RBFOX1: variants seen among roughly 807,000 people sequenced by gnomAD.
RBFOX1 encodes RNA binding protein fox-1 homolog 1.
A neutral mutation model predicts 57.7 loss-of-function variants in RBFOX1; 8 were observed. The ratio of observed to expected loss-of-function variants is 0.14; its 90% CI spans 0.08 to 0.25. The LOEUF (loss-of-function observed/expected upper bound fraction) is 0.25. Among genes scored for constraint, RBFOX1 ranks in the 10% least tolerant of loss-of-function variants. The pLI is 1.00. For synonymous variants in RBFOX1, 326 were observed against 222.4 expected, an observed-to-expected ratio of 1.47 and a Z score of -4.15; for missense variants, 611 against 548.5, an observed-to-expected ratio of 1.11 and a Z score of -1.14.
chr16:6,997,526 T>C (rs2092369553), intron 3 of RBFOX1, among the ~76,000 whole-genome samples: 2 of 152,198 alleles, frequency 1.3e-5, no homozygotes, highest in Admixed American at 1.3e-4. Flanking sequence ...CTGAATTGCT[T>C]TCCAATTTCC....
intron 4 of RBFOX1, among the ~76,000 whole-genome samples, chr16:7,335,122 AG>A (rs2096762196): frequency 6.6e-6 from 1 of 152,172 alleles, no homozygotes; most frequent in African/African-American, 2.4e-5. Context: ...AATATTTGCA[AG>A]GGGAGAAAGG....
intron 1 of RBFOX1, among the ~76,000 whole-genome samples, chr16:5,426,649 C>G (rs1157889963): frequency 2.6e-5 from 4 of 152,178 alleles, no homozygotes; most frequent in Non-Finnish European, 4.4e-5. Flanking sequence ...CAGCCTGTTT[C>G]CTACTAAAAT....
intron 3 of RBFOX1, among the ~76,000 whole-genome samples, chr16:7,037,981 G>GA (rs1206718131): frequency 6.6e-6 from 1 of 151,920 alleles, no homozygotes; most frequent in African/African-American, 2.4e-5. Context: ...CAATGAGAAA[G>GA]AAAAAAAATT....
intron 3 of RBFOX1, among the ~76,000 whole-genome samples, chr16:6,872,466 G>C (rs1254242829): frequency 1.3e-5 from 2 of 152,084 alleles, no homozygotes; most frequent in Non-Finnish European, 2.9e-5. Flanking sequence ...GGAAACAGCT[G>C]AATTAGCCCC....
intron 1 of RBFOX1, among the ~76,000 whole-genome samples, chr16:6,178,296 C>T (rs28407632): frequency 3.5e-4 from 52 of 148,804 alleles, no homozygotes; most frequent in Non-Finnish European, 6.2e-4. Context: ...AAGTGATTCT[C>T]CTGCCTCAGC....
At chr16:7,241,339 C>T (rs2094047637) in intron 4 of RBFOX1, among the ~76,000 whole-genome samples, 1 of 152,104 alleles carries the variant, frequency 6.6e-6, no homozygotes, top group Non-Finnish European at 1.5e-5. Flanking sequence ...AGGTCACCTC[C>T]TGGCCCGTTG....
chr16:5,343,106 C>T (rs1358547054), intron 1 of RBFOX1, among the ~76,000 whole-genome samples: 1 of 152,098 alleles, frequency 6.6e-6, no homozygotes, highest in Non-Finnish European at 1.5e-5. Context: ...GACTTTTGTT[C>T]TTTGGCCAGT....
intron 2 of RBFOX1, among the ~76,000 whole-genome samples, chr16:6,350,324 C>A (rs775981054): frequency 6.6e-6 from 1 of 151,584 alleles, no homozygotes; most frequent in Admixed American, 6.6e-5. Flanking sequence ...GCCTGTAATA[C>A]TATCTACTCG....
At chr16:7,024,734 G>A (rs2040377159) in intron 3 of RBFOX1, among the ~76,000 whole-genome samples, 1 of 152,148 alleles carries the variant, frequency 6.6e-6, no homozygotes, top group African/African-American at 2.4e-5. Context: ...TCTTGTTGCT[G>A]GACTTGATTG....
intron 1 of RBFOX1, among the ~76,000 whole-genome samples, chr16:6,291,292 C>T (rs1224692068): frequency 2.6e-5 from 4 of 152,292 alleles, no homozygotes; most frequent in African/African-American, 9.6e-5. Flanking sequence ...TTTTACTCCG[C>T]TGCTATTCAA....
At chr16:5,760,123 A>C (rs767786948) in intron 3 of RBFOX1, among the ~76,000 whole-genome samples, 1 of 152,128 alleles carries the variant, frequency 6.6e-6, no homozygotes, top group Admixed American at 6.6e-5. Context: ...TTACATATCA[A>C]ATAAAGCACC....
chr16:5,515,733 C>A (rs886609761), intron 2 of RBFOX1, among the ~76,000 whole-genome samples: 1 of 152,150 alleles, frequency 6.6e-6, no homozygotes, highest in Non-Finnish European at 1.5e-5. Flanking sequence ...TGCAGAGAAG[C>A]TTTGGAAAGT....
intron 3 of RBFOX1, among the ~76,000 whole-genome samples, chr16:7,001,885 A>T (rs1380682575): frequency 6.6e-6 from 1 of 152,112 alleles, no homozygotes; most frequent in Non-Finnish European, 1.5e-5. Flanking sequence ...TTAAGTGGGG[A>T]GTCCCCATAG....
chr16:7,417,084 A>G (rs2098485199), intron 4 of RBFOX1, among the ~76,000 whole-genome samples: 1 of 152,060 alleles, frequency 6.6e-6, no homozygotes, highest in South Asian at 2.1e-4. Context: ...AAATAGCACA[A>G]AGAGTCCGGG....
chr16:7,455,422 C>T (rs2058299169), intron 4 of RBFOX1, among the ~76,000 whole-genome samples: 1 of 152,140 alleles, frequency 6.6e-6, no homozygotes, highest in Non-Finnish European at 1.5e-5. Flanking sequence ...AATATAACAG[C>T]TCCCAGAGTT....
intron 4 of RBFOX1, among the ~76,000 whole-genome samples, chr16:7,253,089 C>T (rs893007670): frequency 6.6e-6 from 1 of 152,176 alleles, no homozygotes; most frequent in Non-Finnish European, 1.5e-5. Flanking sequence ...TTAAACACAG[C>T]ATCACTGGAC....
intron 3 of RBFOX1, among the ~76,000 whole-genome samples, chr16:6,934,064 G>C (rs1378501104): frequency 6.6e-6 from 1 of 152,170 alleles, no homozygotes; most frequent in Non-Finnish European, 1.5e-5. Flanking sequence ...GAGGCCTTGA[G>C]GGTAGGCGTA....
At chr16:6,621,229 A>G (rs1253130643) in intron 2 of RBFOX1, among the ~76,000 whole-genome samples, 1 of 152,184 alleles carries the variant, frequency 6.6e-6, no homozygotes, top group Non-Finnish European at 1.5e-5. Flanking sequence ...TGGGAGGCCT[A>G]GGCCGGCGGA....
At chr16:6,493,611 A>G (rs2095686536) in intron 2 of RBFOX1, among the ~76,000 whole-genome samples, 1 of 152,202 alleles carries the variant, frequency 6.6e-6, no homozygotes, top group South Asian at 2.1e-4. Flanking sequence ...CTATATATTT[A>G]TGAAAACACT....
Sources: gnomAD v4.1 joint callset for allele counts (sites outside exome capture counted in the v4.1 genomes callset) on GRCh38, gnomAD v4.1.1 for gene constraint, MANE v1.5 for transcripts, NCBI Gene and HGNC (gene_info 2026-07-23, HGNC 2026-07-21) for gene names.